TTC27: variants seen among roughly 807,000 people sequenced by gnomAD.
TTC27 encodes tetratricopeptide repeat protein 27.
A neutral mutation model predicts 115.9 loss-of-function variants in TTC27; 79 were observed. That is an observed-to-expected ratio of 0.68 (90% CI 0.57 to 0.82). The LOEUF (loss-of-function observed/expected upper bound fraction) is 0.82, where lower values mean the gene tolerates loss of function less well. Ranked by LOEUF, TTC27 falls within the 40% of genes least tolerant of loss-of-function variation. The probability of loss-of-function intolerance (pLI) is 0.00; values close to 1 mark genes in which losing one functional copy is unlikely to be tolerated. For synonymous variants in TTC27, 401 were observed against 356.0 expected (o/e 1.13, Z -1.42); for missense variants, 1,054 against 993.1 (o/e 1.06, Z -0.82).
intron 12 of TTC27, among the ~76,000 whole-genome samples, chr2:32,743,945 T>C (rs1668732228): frequency 6.6e-6 from 1 of 152,206 alleles, no homozygotes; most frequent in Non-Finnish European, 1.5e-5. Flanking sequence ...CCTTAGAAAA[T>C]ACCATTAGCC....
intron 13 of TTC27, among the ~76,000 whole-genome samples, chr2:32,775,991 A>C (rs112038853): frequency 1.3e-5 from 2 of 152,200 alleles, no homozygotes; most frequent in South Asian, 4.1e-4. Flanking sequence ...TAAAAAACAG[A>C]TGAAAGCAAA....
intron 18 of TTC27, among the ~76,000 whole-genome samples, chr2:32,816,444 A>G (rs775181747): frequency 1.3e-5 from 2 of 152,170 alleles, no homozygotes; most frequent in Non-Finnish European, 2.9e-5. Flanking sequence ...GAATTTAGTG[A>G]GCATAATTTA....
chr2:32,784,591 AT>A (rs1386597651), intron 15 of TTC27, among the ~76,000 whole-genome samples: 78 of 152,256 alleles, frequency 5.1e-4, no homozygotes, highest in African/African-American at 1.8e-3. Context: ...TTCGGATGTA[AT>A]TTTAATGGTG....
In TTC27 at chr2:32,733,876, C is replaced by T. The variant is rs201513282; in HGVS notation, c.1282C>T (p.Leu428=). The T allele has an allele frequency of 1.7e-5, 28 of 1,612,322 alleles. No individual in the cohort carries two copies. Among genetic ancestry groups the T allele is most frequent in the Admixed American group, 3.3e-5 (2 of 59,820 alleles). ...EDKTTSVLER[L]KIFYCCQVPP... ...TAAAACTACATCTGTATTGGAACGC[C>T]TGAAGATTTTCTATTGCTGTCAAGT... Residue 428 remains leucine (L), a synonymous_variant, in exon 11 of 20, where the codon CTG becomes TTG. Transcript: ENST00000317907.
intron 9 of TTC27, among the ~76,000 whole-genome samples, chr2:32,692,989 A>G (rs1666867891): frequency 6.6e-6 from 1 of 152,112 alleles, no homozygotes; most frequent in East Asian, 1.9e-4. Context: ...AAAAAAAAAA[A>G]ATCTATAAAA....
intron 7 of TTC27, among the ~76,000 whole-genome samples, chr2:32,670,308 A>G (rs1294711910): frequency 1.3e-5 from 2 of 152,170 alleles, no homozygotes; most frequent in Non-Finnish European, 2.9e-5. Context: ...CTTTGTTGAG[A>G]TTTAACAATT....
intron 13 of TTC27, among the ~76,000 whole-genome samples, chr2:32,767,563 G>C (rs940435616): frequency 2.7e-5 from 4 of 145,818 alleles, no homozygotes; most frequent in African/African-American, 1.0e-4. Flanking sequence ...CCAGGTTCAC[G>C]CCATTCTCCT....
intron 5 of TTC27, among the ~76,000 whole-genome samples, chr2:32,656,106 T>A (rs1369008590): frequency 6.6e-6 from 1 of 152,032 alleles, no homozygotes; most frequent in Non-Finnish European, 1.5e-5. Flanking sequence ...CTTTTTTTTT[T>A]AATGAGGAAA....
chr2:32,698,570 C>T (rs1399242922), intron 9 of TTC27, among the ~76,000 whole-genome samples: 1 of 151,044 alleles, frequency 6.6e-6, no homozygotes, highest in African/African-American at 2.4e-5. Context: ...AGCTCCGCCT[C>T]CCGGGTTCAC....
Position 32,820,991 on chromosome 2 carries a change from A to G in TTC27, c.*53A>G, listed in dbSNP as rs756955283. 337 of 1,388,020 alleles carry G rather than the reference A, an allele frequency of 2.4e-4. No homozygotes were observed. Among genetic ancestry groups the G allele is most frequent in the Non-Finnish European group, 3.1e-4 (325 of 1,054,056 alleles). The allele number at this position is 1,388,020 out of a possible 1,614,324, so 86.0% of individuals were successfully genotyped here. A position where few individuals can be genotyped will look rare whatever the true frequency, so the allele number is the denominator to read the frequency against. ...GTGCTTTCACCTGCTGGTAAAAGATACATCTGTATATCTGAAATGCAAGAT... is the reference window on the plus strand; with the variant it reads ...GTGCTTTCACCTGCTGGTAAAAGATGCATCTGTATATCTGAAATGCAAGAT... On this transcript the variant is annotated 3_prime_UTR_variant, in exon 20 of 20. Coordinates refer to ENST00000317907, the MANE Select transcript of TTC27 (RefSeq NM_017735.5).
At chr2:32,713,617 A>G (rs575750007) in intron 10 of TTC27, among the ~76,000 whole-genome samples, 3 of 152,330 alleles carry the variant, frequency 2.0e-5, no homozygotes, top group Admixed American at 6.5e-5. Context: ...TTGGATTTCC[A>G]GGAGGACATT....
chr2:32,712,870 T>G (rs1304388900), intron 10 of TTC27, among the ~76,000 whole-genome samples: 1 of 152,226 alleles, frequency 6.6e-6, no homozygotes, highest in Non-Finnish European at 1.5e-5. Flanking sequence ...TTCAACATTT[T>G]ATCAGAAGAT....
chr2:32,695,906 AAAAAT>A (rs111384969), intron 9 of TTC27, among the ~76,000 whole-genome samples: 11 of 149,324 alleles, frequency 7.4e-5, no homozygotes, highest in South Asian at 2.1e-4. Context: ...CTCCATCTCA[AAAAAT>A]AAAATAAAAT....
chr2:32,631,279 G>C (rs1188984654), intron 2 of TTC27, among the ~76,000 whole-genome samples: 1 of 152,018 alleles, frequency 6.6e-6, no homozygotes, highest in East Asian at 1.9e-4. Context: ...CTCTAGCCTG[G>C]GCGACAGAGC....
At position 32,628,162 on chromosome 2, in the gene TTC27, C is replaced by A; in HGVS notation, c.-131C>A. On this transcript the variant is annotated 5_prime_UTR_variant, in exon 1 of 20. Transcript: ENST00000317907. ...GTATCCGCACATGGAATTCTAGGGC[C>A]GCAGGTGTATTTACGGTAACTGTCG... 1 of 805,978 alleles carries A rather than the reference C, an allele frequency of 1.2e-6. No individual in the cohort carries two copies. The highest frequency in any genetic ancestry group is 1.6e-5 in the South Asian group (1 of 61,988). 49.9% of individuals were successfully genotyped at this position (805,978 alleles called of 1,614,324 possible).
intron 7 of TTC27, among the ~76,000 whole-genome samples, chr2:32,666,971 T>G (rs932564688): frequency 9.0e-5 from 1 of 11,144 alleles, no homozygotes; most frequent in South Asian, 3.6e-3. Flanking sequence ...AAACTGGTGT[T>G]TTTTTTTTCC....
At chr2:32,648,552 T>G (rs1664958121) in intron 4 of TTC27, among the ~76,000 whole-genome samples, 1 of 151,638 alleles carries the variant, frequency 6.6e-6, no homozygotes, top group Admixed American at 6.6e-5. Context: ...GCTGGGATTA[T>G]AGGTGTGAGG....
intron 16 of TTC27, among the ~76,000 whole-genome samples, chr2:32,804,950 T>C (rs994447630): frequency 6.6e-6 from 1 of 152,162 alleles, no homozygotes; most frequent in African/African-American, 2.4e-5. Flanking sequence ...TTCTGGTTGA[T>C]TCGAGATTTA....
At chr2:32,780,525 C>T (rs113252945) in intron 14 of TTC27, among the ~76,000 whole-genome samples, 1,694 of 152,186 alleles carry the variant, frequency 0.011, 16 homozygotes, top group Middle Eastern at 0.031. Flanking sequence ...CGGCAACCTC[C>T]GCCTCCCAGG....
Sources: gnomAD v4.1 joint callset for allele counts (sites outside exome capture counted in the v4.1 genomes callset) on GRCh38, gnomAD v4.1.1 for gene constraint, MANE v1.5 for transcripts, NCBI Gene and HGNC (gene_info 2026-07-23, HGNC 2026-07-21) for gene names.